The following KLF8 variants were observed in gnomAD, a reference collection of about 807,000 sequenced individuals.
KLF8 encodes Krueppel-like factor 8.
Under a neutral mutation model 18.2 loss-of-function variants are expected in KLF8, and 10 were observed. That is an observed-to-expected ratio of 0.55 (90% CI 0.34 to 0.93). KLF8 has a LOEUF of 0.93. Among genes scored for constraint, KLF8 ranks in the 40% least tolerant of loss-of-function variants. The pLI, the probability that KLF8 is intolerant of heterozygous loss-of-function variation, is 0.02. For synonymous variants in KLF8, 109 were observed against 97.3 expected (o/e 1.12, Z -0.71); for missense variants, 264 against 277.9 (o/e 0.95, Z 0.36).
the KLF8 span, among the ~76,000 whole-genome samples, chrX:56,013,784 A>G: frequency 9.0e-6 from 1 of 111,575 alleles, no homozygotes; most frequent in Admixed American, 9.5e-5. Flanking sequence ...AAGTTTCCTG[A>G]GGCCTCCCCA....
At chrX:56,079,525 G>C in the KLF8 span, among the ~76,000 whole-genome samples, 1 of 111,696 alleles carries the variant, frequency 9.0e-6, no homozygotes, top group African/African-American at 3.3e-5. Flanking sequence ...TATAATTTCT[G>C]TTCTTTTACA....
At chrX:55,964,800 C>A in the KLF8 span, among the ~76,000 whole-genome samples, 3 of 111,269 alleles carry the variant, frequency 2.7e-5, no homozygotes, top group African/African-American at 9.8e-5. Flanking sequence ...AATTAGAAAA[C>A]CTAGAACATA....
At chrX:56,064,802 C>T in the KLF8 span, among the ~76,000 whole-genome samples, 29 of 111,694 alleles carry the variant, frequency 2.6e-4, no homozygotes, top group South Asian at 3.0e-3. Context: ...GATAAACCCT[C>T]TCAGCTTTTG....
the KLF8 span, among the ~76,000 whole-genome samples, chrX:56,070,624 G>T: frequency 9.0e-6 from 1 of 110,765 alleles, no homozygotes; most frequent in Admixed American, 9.6e-5. Flanking sequence ...AGAACACATG[G>T]ACCCAGGGAG....
chrX:56,283,114 G>A (rs1017180083), intron 5 of KLF8, among the ~76,000 whole-genome samples: 9 of 111,345 alleles, frequency 8.1e-5, no homozygotes, highest in African/African-American at 2.6e-4. Context: ...CCATAATGGG[G>A]TCATACTGCG....
chrX:56,150,023 C>T, the KLF8 span, among the ~76,000 whole-genome samples: 21 of 112,146 alleles, frequency 1.9e-4, no homozygotes, highest in East Asian at 4.2e-3. Context: ...TATCTTTGCT[C>T]TACTTGAATG....
At chrX:56,001,486 T>C in the KLF8 span, among the ~76,000 whole-genome samples, 1 of 112,188 alleles carries the variant, frequency 8.9e-6, no homozygotes, top group Non-Finnish European at 1.9e-5. Flanking sequence ...CCCTTTTGCA[T>C]CTTCAATTTC....
the KLF8 span, among the ~76,000 whole-genome samples, chrX:56,099,245 A>G: frequency 7.2e-5 from 8 of 111,821 alleles, no homozygotes; most frequent in African/African-American, 2.6e-4. Context: ...GATCTGTGGT[A>G]ATCTTTGATA....
the KLF8 span, chrX:55,908,390 T>C: frequency 3.4e-6 from 1 of 293,253 alleles, no homozygotes; most frequent in East Asian, 4.8e-5. Flanking sequence ...AAGGGGCTGG[T>C]GATTGACAGA....
the KLF8 span, among the ~76,000 whole-genome samples, chrX:56,104,209 A>C: frequency 9.0e-6 from 1 of 111,596 alleles, no homozygotes; most frequent in Non-Finnish European, 1.9e-5. Context: ...CTTTGGTATC[A>C]GGATGATGCT....
At position 56,257,000 on chromosome X, in the gene KLF8, G is replaced by T. The variant is rs777922461; in HGVS notation, c.81+6696G>T. Among the ~76,000 whole-genome samples, 6 of 111,990 alleles carry T rather than the reference G, an allele frequency of 5.4e-5. No homozygotes were observed. The East Asian group carries it at 1.4e-3, about 26-fold the overall frequency. ...TTACAGGCGTGAGCCACCTTGCCTG[G>T]CAGGAGCATATTTTTTAATTTCCCT... On this transcript the variant is annotated intron_variant, in intron 2 of 5. Coordinates refer to ENST00000468660, the MANE Select transcript of KLF8 (RefSeq NM_007250.5).
At chrX:56,057,900 C>T in the KLF8 span, among the ~76,000 whole-genome samples, 2 of 108,593 alleles carry the variant, frequency 1.8e-5, no homozygotes, top group African/African-American at 6.7e-5. Context: ...CCTGCCAACT[C>T]GAGTGTCCAT....
the KLF8 span, among the ~76,000 whole-genome samples, chrX:56,039,208 G>A: frequency 8.9e-6 from 1 of 111,916 alleles, no homozygotes; most frequent in African/African-American, 3.2e-5. Flanking sequence ...AAGCTCTTTA[G>A]TTTAGTTAGA....
the KLF8 span, among the ~76,000 whole-genome samples, chrX:56,191,170 A>G: frequency 9.0e-6 from 1 of 111,731 alleles, no homozygotes; most frequent in Non-Finnish European, 1.9e-5. Flanking sequence ...ATTAGTGGCT[A>G]CTATGGGCAA....
chrX:55,972,934 C>G, the KLF8 span, among the ~76,000 whole-genome samples: 2 of 111,913 alleles, frequency 1.8e-5, no homozygotes, highest in African/African-American at 6.5e-5. Flanking sequence ...AGAAGCAAAG[C>G]CAGAGGCATC....
the KLF8 span, among the ~76,000 whole-genome samples, chrX:56,135,811 C>A: frequency 8.9e-6 from 1 of 112,017 alleles, no homozygotes; most frequent in African/African-American, 3.2e-5. Context: ...TCAAGAAATT[C>A]TTTGAAACCA....
the KLF8 span, among the ~76,000 whole-genome samples, chrX:56,002,874 C>T: frequency 3.6e-5 from 4 of 111,440 alleles, no homozygotes; most frequent in Non-Finnish European, 7.5e-5. Context: ...GTAACAAGTA[C>T]AAAGTACTTG....
chrX:56,017,765 A>C, the KLF8 span, among the ~76,000 whole-genome samples: 4 of 112,026 alleles, frequency 3.6e-5, no homozygotes, highest in Non-Finnish European at 7.5e-5. Context: ...TTTGTAAAAA[A>C]CGATGGACAT....
the KLF8 span, among the ~76,000 whole-genome samples, chrX:55,976,713 A>G: frequency 7.2e-5 from 8 of 111,526 alleles, no homozygotes; most frequent in African/African-American, 2.3e-4. Flanking sequence ...GCATTGAATC[A>G]TTAGATTGAG....
Sources: gnomAD v4.1 joint callset for allele counts (sites outside exome capture counted in the v4.1 genomes callset) on GRCh38, gnomAD v4.1.1 for gene constraint, MANE v1.5 for transcripts, NCBI Gene and HGNC (gene_info 2026-07-23, HGNC 2026-07-21) for gene names.